The following DOCK3 variants were observed in gnomAD, a reference collection of about 807,000 sequenced individuals.
The protein encoded by DOCK3 is dedicator of cytokinesis protein 3.
In DOCK3, 60 loss-of-function variants were observed where a neutral mutation model predicts 265.6. The ratio of observed to expected loss-of-function variants is 0.23; its 90% CI spans 0.18 to 0.28. The LOEUF (loss-of-function observed/expected upper bound fraction) is 0.28, where lower values mean the gene tolerates loss of function less well. Ranked by LOEUF, DOCK3 falls within the 10% of genes least tolerant of loss-of-function variation. The pLI is 1.00. For synonymous variants in DOCK3, 881 were observed against 938.0 expected, an observed-to-expected ratio of 0.94 and a Z score of 1.11; for missense variants, 1,981 against 2,594.3, an observed-to-expected ratio of 0.76 and a Z score of 5.14.
intron 2 of DOCK3, among the ~76,000 whole-genome samples, chr3:50,793,577 C>G (rs1201087334): frequency 5.9e-5 from 9 of 152,114 alleles, no homozygotes; most frequent in East Asian, 5.8e-4. Flanking sequence ...AGGCTGGTCT[C>G]GAACTCCTGA....
chr3:50,977,961 C>T (rs2077527575), intron 5 of DOCK3, among the ~76,000 whole-genome samples: 1 of 152,156 alleles, frequency 6.6e-6, no homozygotes. Context: ...CTGCATTCTT[C>T]CCGTTGTTCT....
At chr3:51,356,333 G>A in intron 42 of DOCK3, 74 bp from the exon 43 acceptor site, 5 of 1,612,398 alleles carry the variant, frequency 3.1e-6, no homozygotes, top group Non-Finnish European at 4.2e-6. Flanking sequence ...ACTCACCACT[G>A]TTTTATCCCT....
intron 5 of DOCK3, among the ~76,000 whole-genome samples, chr3:51,046,344 G>C (rs1180166942): frequency 6.6e-6 from 1 of 152,084 alleles, no homozygotes; most frequent in African/African-American, 2.4e-5. Flanking sequence ...GTTTGTAAGA[G>C]AGTCACTTTA....
chr3:50,978,594 T>G (rs1197966397), intron 5 of DOCK3, among the ~76,000 whole-genome samples: 1 of 152,130 alleles, frequency 6.6e-6, no homozygotes, highest in Non-Finnish European at 1.5e-5. Context: ...ACTGCTGTCT[T>G]TTTGTTTGTC....
chr3:51,306,581 A>G (rs1021456027), intron 27 of DOCK3, among the ~76,000 whole-genome samples: 2 of 151,776 alleles, frequency 1.3e-5, no homozygotes, highest in African/African-American at 4.8e-5. Context: ...GGCTCTGTTC[A>G]TTTGTCTTCA....
At chr3:50,799,236 C>T (rs2042948852) in intron 2 of DOCK3, among the ~76,000 whole-genome samples, 1 of 152,038 alleles carries the variant, frequency 6.6e-6, no homozygotes, top group South Asian at 2.1e-4. Flanking sequence ...GATATTCCCC[C>T]TTATTTCTGT....
intron 5 of DOCK3, among the ~76,000 whole-genome samples, chr3:51,012,923 T>C (rs2079009304): frequency 6.6e-6 from 1 of 152,174 alleles, no homozygotes; most frequent in Non-Finnish European, 1.5e-5. Flanking sequence ...ATACCCTTTC[T>C]TCTACTTGAT....
intron 2 of DOCK3, among the ~76,000 whole-genome samples, chr3:50,801,256 A>G (rs1390100848): frequency 2.6e-5 from 4 of 152,034 alleles, no homozygotes; most frequent in Non-Finnish European, 4.4e-5. Flanking sequence ...CCTATTAGCT[A>G]GGGTTAGGCC....
intron 2 of DOCK3, among the ~76,000 whole-genome samples, chr3:50,813,806 G>A (rs1010745618): frequency 2.6e-5 from 4 of 152,060 alleles, no homozygotes; most frequent in African/African-American, 7.2e-5. Context: ...CCTCATAAAT[G>A]TAATAACATC....
intron 5 of DOCK3, among the ~76,000 whole-genome samples, chr3:50,988,832 A>G (rs1165563762): frequency 6.6e-6 from 1 of 152,122 alleles, no homozygotes; most frequent in African/African-American, 2.4e-5. Context: ...CTCACTGGGC[A>G]GGTCCTCCAG....
At chr3:51,281,997 C>T (rs972164658) in intron 27 of DOCK3, among the ~76,000 whole-genome samples, 3 of 152,234 alleles carry the variant, frequency 2.0e-5, no homozygotes, top group Admixed American at 6.5e-5. Context: ...CACAAGAGCA[C>T]ACACAAACAA....
intron 1 of DOCK3, among the ~76,000 whole-genome samples, chr3:50,697,108 T>C (rs1426678641): frequency 6.6e-6 from 1 of 151,800 alleles, no homozygotes; most frequent in Non-Finnish European, 1.5e-5. Context: ...TTTTTGTATT[T>C]TTAGTAGAGA....
intron 7 of DOCK3, among the ~76,000 whole-genome samples, chr3:51,085,673 G>C (rs1576016406): frequency 6.6e-6 from 1 of 152,068 alleles, no homozygotes; most frequent in East Asian, 1.9e-4. Context: ...GGCAAAAGCA[G>C]TACTAAGAGG....
At chr3:51,362,892 C>T (rs1169877738) in intron 49 of DOCK3, among the ~76,000 whole-genome samples, 1 of 152,216 alleles carries the variant, frequency 6.6e-6, no homozygotes, top group Non-Finnish European at 1.5e-5. Context: ...CGCTGTGCCG[C>T]CATTGCATTT....
intron 51 of DOCK3, among the ~76,000 whole-genome samples, chr3:51,377,946 G>A (rs906061270): frequency 6.6e-6 from 1 of 152,188 alleles, no homozygotes; most frequent in Non-Finnish European, 1.5e-5. Context: ...TATTTCTTTG[G>A]TGGCTTTTTA....
rs531089097 is a variant in DOCK3 at position 51,286,278 on chromosome 3, C to G, written c.2922+6074C>G. 2.0e-5 allele frequency among the ~76,000 whole-genome samples: 3 copies of G among 152,130 alleles called. No individual in the cohort carries two copies. The East Asian group carries it at 5.8e-4, about 29-fold the overall frequency. ...TAACCAGAGAGGTAAAAGATCTCTA[C>G]AAGGAGAATTACAAAACTGCTAAAA... On this transcript the variant is annotated intron_variant, in intron 27 of 52. Transcript: ENST00000266037.
chr3:51,208,676 G>A, intron 12 of DOCK3, 98 bp from the exon 13 acceptor site: 2 of 903,538 alleles, frequency 2.2e-6, no homozygotes, highest in Non-Finnish European at 3.4e-6. Flanking sequence ...AGGAAAGTGA[G>A]GGATCCTTTT....
At chr3:50,850,165 G>C (rs1404406988) in intron 3 of DOCK3, among the ~76,000 whole-genome samples, 2 of 151,758 alleles carry the variant, frequency 1.3e-5, no homozygotes, top group Non-Finnish European at 2.9e-5. Flanking sequence ...TGGATCACCT[G>C]AGCTCAGGAG....
At chr3:51,332,039 C>A (rs1275768055) in intron 33 of DOCK3, among the ~76,000 whole-genome samples, 1 of 152,216 alleles carries the variant, frequency 6.6e-6, no homozygotes, top group Non-Finnish European at 1.5e-5. Flanking sequence ...TTCTCAGAAG[C>A]CTGGCCTAGG....
Sources: gnomAD v4.1 joint callset for allele counts (sites outside exome capture counted in the v4.1 genomes callset) on GRCh38, gnomAD v4.1.1 for gene constraint, MANE v1.5 for transcripts, NCBI Gene and HGNC (gene_info 2026-07-23, HGNC 2026-07-21) for gene names.